Variants in KIAA0586 observed in about 807,000 individuals in gnomAD.
KIAA0586 encodes KIAA0586, also known as protein TALPID3.
KIAA0586 carries 144 observed loss-of-function variants against 169.8 expected under a neutral mutation model. That is an observed-to-expected ratio of 0.85 (90% confidence interval 0.74 to 0.97). KIAA0586 has a LOEUF of 0.97. KIAA0586 is among the 50% of genes least tolerant of loss of function. KIAA0586 has a pLI of 0.00. For missense variants in KIAA0586, 1,854 were observed against 1,823.0 expected (o/e 1.02, Z -0.31); for synonymous variants, 625 against 612.4 (o/e 1.02, Z -0.30).
Position 58,488,007 on chromosome 14 carries a change from A to G in KIAA0586, c.3425A>G (p.Lys1142Arg). The G allele has an allele frequency of 6.2e-7, 1 of 1,612,128 alleles. No homozygotes were observed. Among genetic ancestry groups the G allele is most frequent in the South Asian group, 1.1e-5 (1 of 90,626 alleles). Residue 1142 changes from lysine (K) to arginine (R), a missense_variant, in exon 23 of 31, where the codon AAG (lysine) becomes AGG (arginine). Coordinates refer to ENST00000652326, the MANE Select transcript of KIAA0586 (RefSeq NM_001329943.3). Reference sequence around the variant, plus strand: ...TCAGATATTTCCATTGATAAATTGAAGGTATCAAGCCCAGAGCTTCCCAAG... The same window carrying G: ...TCAGATATTTCCATTGATAAATTGAGGGTATCAAGCCCAGAGCTTCCCAAG... ...TLSDISIDKL[K>R]VSSPELPKPW...
At chr14:58,539,831 C>G (rs181592807) in intron 29 of KIAA0586, 3 of 312,344 alleles carry the variant, frequency 9.6e-6, no homozygotes, top group Non-Finnish European at 1.7e-5. Flanking sequence ...CTTCCCCCCC[C>G]CATCTGTGAT....
At chr14:58,482,902 CT>C (rs2042134599) in intron 21 of KIAA0586, among the ~76,000 whole-genome samples, 190 bp downstream of exon 21, 1 of 152,142 alleles carries the variant, frequency 6.6e-6, no homozygotes, top group Non-Finnish European at 1.5e-5. Flanking sequence ...TCCTGAGTAG[CT>C]GGGATTACAG....
chr14:58,534,125 A>C lies in KIAA0586; in HGVS notation c.4430-5946A>C, dbSNP rs142879428. The stretch of plus-strand genomic sequence containing the variant: ...TAACCACAAGCCATAATTTGAGAGA[A>C]GTCTTCATATTTAGGAAGGGTTTCC... On this transcript the variant is annotated intron_variant, in intron 29 of 30. Transcript: ENST00000652326. Among the ~76,000 whole-genome samples, 70 of 152,292 alleles carry C rather than the reference A, an allele frequency of 4.6e-4. No homozygotes were observed. The East Asian group carries it at 0.011, about 23-fold the overall frequency.
intron 6 of KIAA0586, among the ~76,000 whole-genome samples, chr14:58,446,939 A>G (rs1481064178): frequency 1.3e-5 from 2 of 152,166 alleles, no homozygotes; most frequent in Non-Finnish European, 2.9e-5. Context: ...ATGAGATGAC[A>G]CATTTGAAAA....
rs553439090 is a variant in KIAA0586, at chr14:58,531,037, G to A, written c.4430-9034G>A. 5.9e-5 allele frequency among the ~76,000 whole-genome samples: 9 copies of A among 152,088 alleles called. No homozygotes were observed. The South Asian group carries it at 1.5e-3, about 25-fold the overall frequency. ...CAAAAAGCGGGCAAAGGGGCCGGGT[G>A]CAGTGGCTCACGCCTGTAATCCCAG... is the stretch of plus-strand genomic sequence containing the variant. On this transcript the variant is annotated intron_variant, in intron 29 of 30. Coordinates refer to ENST00000652326, the MANE Select transcript of KIAA0586 (RefSeq NM_001329943.3).
chr14:58,450,695 A>T lies in KIAA0586; in HGVS notation c.1078A>T (p.Arg360Trp), dbSNP rs932782936. The change falls in exon 8 of 31, where the codon AGG (arginine) becomes TGG (tryptophan). Residue 360 changes from arginine to tryptophan, a missense_variant. Arg to Trp is a moderately radical substitution (Grantham distance 101). Transcript: ENST00000652326. The part of the protein sequence containing the change: ...PVSRDDELSK[R>W]ENLLEEKENM... The stretch of plus-strand genomic sequence containing the variant: ...TTCAAGGGATGATGAACTATCAAAG[A>T]GGGAAAATCTTTTGGAAGAAAAAGA... 8.7e-6 allele frequency: 14 copies of T among 1,609,442 alleles called. No individual in the cohort carries two copies. In the Middle Eastern group the frequency reaches 6.6e-4, roughly 76 times the overall value.
intron 4 of KIAA0586, among the ~76,000 whole-genome samples, chr14:58,437,294 T>C (rs1027261273): frequency 6.6e-5 from 10 of 152,136 alleles, no homozygotes; most frequent in Non-Finnish European, 1.3e-4. Flanking sequence ...CACAAATACA[T>C]GGTGAGTAGT....
At chr14:58,526,828 G>T (rs1476922672) in intron 29 of KIAA0586, among the ~76,000 whole-genome samples, 1 of 152,070 alleles carries the variant, frequency 6.6e-6, no homozygotes, top group Non-Finnish European at 1.5e-5. Context: ...ACAGAAAGCT[G>T]GACTGTAATT....
chr14:58,540,418 C>A (rs927589165), intron 30 of KIAA0586, among the ~76,000 whole-genome samples: 1 of 152,126 alleles, frequency 6.6e-6, no homozygotes, highest in Non-Finnish European at 1.5e-5. Flanking sequence ...GGATAAGACT[C>A]GAGATAATTC....
At chr14:58,497,729 C>T (rs1241852167) in intron 26 of KIAA0586, among the ~76,000 whole-genome samples, 2 of 151,976 alleles carry the variant, frequency 1.3e-5, no homozygotes, top group African/African-American at 4.8e-5. Context: ...ATATTATTCT[C>T]CTCATCAATT....
chr14:58,543,703 G>T (rs924390046), intron 30 of KIAA0586, among the ~76,000 whole-genome samples: 4 of 152,170 alleles, frequency 2.6e-5, no homozygotes, highest in African/African-American at 9.7e-5. Flanking sequence ...TCATTTCAGA[G>T]TGAAACTTGG....
At chr14:58,435,450 T>G (rs970662829) in intron 4 of KIAA0586, among the ~76,000 whole-genome samples, 5 of 152,144 alleles carry the variant, frequency 3.3e-5, no homozygotes, top group African/African-American at 1.2e-4. Context: ...TCTGAAACAT[T>G]TATCATTTCT....
Position 58,465,920 on chromosome 14 carries a change from TC to T in KIAA0586, c.2147del (p.Pro716LeufsTer29). The T allele has an allele frequency of 6.2e-7, 1 of 1,612,858 alleles. No individual in the cohort carries two copies. The highest frequency in any genetic ancestry group is 8.5e-7 in the Non-Finnish European group (1 of 1,178,958). Reference sequence around the variant, plus strand: ...TGGATTCTAAAATGAAACATTCTGTTCCTGTGTTACCTCATGGCGATCAGCA... The same window carrying T: ...TGGATTCTAAAATGAAACATTCTGTTCTGTGTTACCTCATGGCGATCAGCA... ...KMDSKMKHSV[P>X]VLPHGDQQYL... is the part of the protein sequence containing the mutation. On this transcript the variant is annotated frameshift_variant, in exon 15 of 31. Transcript: ENST00000652326. LOFTEE classifies it high-confidence loss of function.
chr14:58,528,303 A>C (rs541139750), intron 29 of KIAA0586, among the ~76,000 whole-genome samples: 2 of 152,312 alleles, frequency 1.3e-5, no homozygotes, highest in South Asian at 4.2e-4. Context: ...AATGAGACAG[A>C]AAATTAACAA....
chr14:58,525,125 T>G (rs1049929565), intron 29 of KIAA0586, among the ~76,000 whole-genome samples: 16 of 152,140 alleles, frequency 1.1e-4, no homozygotes, highest in African/African-American at 3.9e-4. Context: ...GTCCTAAGCT[T>G]TAAAGGATGC....
intron 4 of KIAA0586, among the ~76,000 whole-genome samples, chr14:58,434,196 T>A (rs531706551): frequency 6.9e-4 from 105 of 152,234 alleles, no homozygotes; most frequent in Non-Finnish European, 1.2e-3. Context: ...AGAGAATGCA[T>A]GTTAGAAGTA....
chr14:58,533,227 A>G (rs970487151), intron 29 of KIAA0586, among the ~76,000 whole-genome samples: 2 of 152,220 alleles, frequency 1.3e-5, no homozygotes. Flanking sequence ...CTGTGTCAGC[A>G]TGATCAATCA....
chr14:58,501,059 A>C (rs955321933), intron 27 of KIAA0586, among the ~76,000 whole-genome samples: 4 of 152,246 alleles, frequency 2.6e-5, no homozygotes, highest in African/African-American at 4.8e-5. Flanking sequence ...CAAATAAATG[A>C]GGATCTGCTA....
chr14:58,496,690 A>G (rs1225833054), intron 26 of KIAA0586, among the ~76,000 whole-genome samples: 1 of 152,218 alleles, frequency 6.6e-6, no homozygotes, highest in African/African-American at 2.4e-5. Context: ...TTTATTTTAT[A>G]GTCAATGGAA....
Sources: allele counts gnomAD v4.1 joint callset (sites outside exome capture counted in the v4.1 genomes callset), GRCh38; gene constraint gnomAD v4.1.1; transcripts MANE v1.5; gene names NCBI Gene and HGNC (gene_info 2026-07-23, HGNC 2026-07-21).